The following ARVCF variants were observed in gnomAD, a reference collection of about 807,000 sequenced individuals.
The protein encoded by ARVCF is ARVCF delta catenin family member.
In ARVCF, 66 loss-of-function variants were observed where a neutral mutation model predicts 90.9. The ratio of observed to expected loss-of-function variants is 0.73; its 90% CI spans 0.60 to 0.89. The LOEUF (loss-of-function observed/expected upper bound fraction) is 0.89. ARVCF is among the 40% of genes least tolerant of loss of function. The pLI is 0.00. For missense variants in ARVCF, 1,469 were observed against 1,382.3 expected (o/e 1.06, Z -1.00); for synonymous variants, 653 against 603.4 (o/e 1.08, Z -1.21).
Position 19,971,200 on chromosome 22 carries a change from A to T in ARVCF, c.*12+16T>A. ...GGCAGGAACAGGTGGACGAACAACC[A>T]GATGAGAGAACGTACCAGGCATGCA... On this transcript the variant is annotated intron_variant, in intron 19 of 19. Transcript: ENST00000263207. 6.4e-7 allele frequency: 1 copy of T among 1,551,762 alleles called. No individual in the cohort carries two copies.
At chr22:19,981,004 C>T (rs1943460323) in intron 5 of ARVCF, 1 of 609,622 alleles carries the variant, frequency 1.6e-6, no homozygotes, top group Non-Finnish European at 2.7e-6. Flanking sequence ...CTTTCCTGGG[C>T]CCTGGGCCTG....
intron 1 of ARVCF, among the ~76,000 whole-genome samples, chr22:20,012,580 C>T (rs570861306): frequency 6.6e-6 from 1 of 152,372 alleles, no homozygotes; most frequent in South Asian, 2.1e-4. Flanking sequence ...CGCCTCAAAG[C>T]GGGGGAATGA....
chr22:19,981,083 A>C, intron 5 of ARVCF, 128 bp downstream of exon 5: 116 of 1,191,160 alleles, frequency 9.7e-5, no homozygotes, highest in Middle Eastern at 3.0e-4. Context: ...ACGAGAGCCA[A>C]GGCCAATTCA....
At position 19,972,429 on chromosome 22, in the gene ARVCF, GAGA is replaced by G. The variant is rs771720447; in HGVS notation, c.2642-21_2642-19del. ...CTCGCCCTCTGCAAGGCAGGAGGAG[GAGA>G]CGGGCTGCATGTGGCAGCCAGGGGG... On this transcript the variant is annotated intron_variant, in intron 16 of 19. Coordinates refer to ENST00000263207, the MANE Select transcript of ARVCF (RefSeq NM_001670.3). The G allele has an allele frequency of 1.9e-6, 3 of 1,612,738 alleles. No homozygotes were observed. The highest frequency in any genetic ancestry group is 1.1e-5 in the South Asian group (1 of 91,066).
chr22:20,011,727 G>A (rs1944839642), intron 1 of ARVCF, among the ~76,000 whole-genome samples: 1 of 152,242 alleles, frequency 6.6e-6, no homozygotes, highest in African/African-American at 2.4e-5. Context: ...CCCCGAGGAA[G>A]AGGAGATGCT....
At chr22:20,002,649 T>C (rs1944485877) in intron 2 of ARVCF, among the ~76,000 whole-genome samples, 2 of 152,110 alleles carry the variant, frequency 1.3e-5, no homozygotes, top group Non-Finnish European at 2.9e-5. Context: ...AAGAGAAGAA[T>C]TCAGGAGTAA....
chr22:20,014,262 T>C lies in ARVCF; in HGVS notation c.-73+2327A>G, dbSNP rs1944943129. 4.6e-5 allele frequency among the ~76,000 whole-genome samples: 7 copies of C among 152,160 alleles called. No homozygotes were observed. In the South Asian group the frequency reaches 1.4e-3, roughly 31 times the overall value. ...CAGGCTGGAGTGCAGTGGTGTGATC[T>C]TGGCTCACTGCAACCCTCACCTCCC... On this transcript the variant is annotated intron_variant, in intron 1 of 19. Coordinates refer to ENST00000263207, the MANE Select transcript of ARVCF (RefSeq NM_001670.3).
downstream of ARVCF, chr22:19,966,959 C>G: frequency 1.0e-6 from 1 of 985,442 alleles, no homozygotes. Context: ...CAGTCCTGCT[C>G]AGACGCTGAT....
intron 2 of ARVCF, among the ~76,000 whole-genome samples, chr22:20,000,321 C>A (rs1229560021): frequency 1.3e-5 from 2 of 152,256 alleles, no homozygotes; most frequent in African/African-American, 4.8e-5. Flanking sequence ...CCGCTCCCAA[C>A]CCCCTCCTCT....
At chr22:19,966,437 A>T (rs1019466922), downstream of ARVCF, among the ~76,000 whole-genome samples, 99 of 3,056 alleles carry the variant, frequency 0.032, no homozygotes, top group African/African-American at 0.15. Context: ...GTTCCCCCTT[A>T]AAAAAAAAAA....
chr22:19,972,052 C>G, intron 17 of ARVCF, 81 bp from the exon 18 acceptor site: 1 of 1,350,690 alleles, frequency 7.4e-7, no homozygotes, highest in Non-Finnish European at 1.0e-6. Flanking sequence ...AGCCCAGACA[C>G]AGGGGACTCG....
chr22:19,999,660 G>T (rs1944377121), intron 2 of ARVCF, among the ~76,000 whole-genome samples: 1 of 152,226 alleles, frequency 6.6e-6, no homozygotes, highest in Non-Finnish European at 1.5e-5. Flanking sequence ...GATGGTGTGG[G>T]TGGGAGAATT....
At chr22:19,975,367 G>A (rs920936905) in intron 11 of ARVCF, among the ~76,000 whole-genome samples, 5 of 152,210 alleles carry the variant, frequency 3.3e-5, no homozygotes, top group African/African-American at 1.2e-4. Flanking sequence ...TAACACAGGA[G>A]GCCCTGCCTC....
chr22:19,973,228 C>A lies in ARVCF; in HGVS notation c.2329G>T (p.Val777Leu). 6.2e-7 allele frequency: 1 copy of A among 1,610,714 alleles called. No individual in the cohort carries two copies. Among genetic ancestry groups the A allele is most frequent in the Non-Finnish European group, 8.5e-7 (1 of 1,179,194 alleles). ...PGACLEEDTV[V>L]AVLNTIHEIV... is the part of the protein sequence containing the mutation. The stretch of plus-strand genomic sequence containing the variant: ...TCGTGGATGGTGTTGAGCACCGCCA[C>A]CACGGTGTCTTCCTCCAGGCAGGCC... The change falls in exon 14 of 20, where the codon GTG (valine) becomes TTG (leucine). Residue 777 changes from valine (V) to leucine (L), a missense_variant. By Grantham distance (32) the Val-to-Leu change is conservative. Transcript: ENST00000263207.
chr22:19,981,057 C>G, intron 5 of ARVCF, 154 bp downstream of exon 5: 4 of 1,048,296 alleles, frequency 3.8e-6, no homozygotes, highest in Admixed American at 3.2e-5. Flanking sequence ...CAGGGTCCAC[C>G]TTTCTTCTGT....
intron 2 of ARVCF, among the ~76,000 whole-genome samples, chr22:19,992,133 A>G (rs117981947): frequency 1.1e-3 from 160 of 152,316 alleles, no homozygotes; most frequent in Non-Finnish European, 2.0e-3. Context: ...TCATAGGTGA[A>G]GAGACACTGT....
At chr22:19,988,198 G>C (rs1347670124) in intron 3 of ARVCF, among the ~76,000 whole-genome samples, 1 of 152,124 alleles carries the variant, frequency 6.6e-6, no homozygotes. Flanking sequence ...CGGCTAGCAT[G>C]CTCAAGATTC....
In ARVCF at chr22:19,977,973, C is replaced by T; in HGVS notation, c.1683G>A (p.Lys561=). ...LHALQSAVGR[K]DTDNKSVENC... Reference sequence around the variant, plus strand: ...CCCTGCCCACCTTGTTGTCAGTGTCCTTCCGGCCCACAGCCGACTGCAGGG... The same window carrying T: ...CCCTGCCCACCTTGTTGTCAGTGTCTTTCCGGCCCACAGCCGACTGCAGGG... The change falls in exon 8 of 20, where the codon AAG becomes AAA. Residue 561 remains lysine, a synonymous_variant. Coordinates refer to ENST00000263207, the MANE Select transcript of ARVCF (RefSeq NM_001670.3). 3 of 1,609,006 alleles carry T rather than the reference C, an allele frequency of 1.9e-6. No individual in the cohort carries two copies. Among genetic ancestry groups the T allele is most frequent in the Non-Finnish European group, 2.5e-6 (3 of 1,177,828 alleles).
downstream of ARVCF, chr22:19,968,556 G>A (rs1341905822): frequency 1.2e-6 from 2 of 1,614,068 alleles, no homozygotes; most frequent in Non-Finnish European, 1.7e-6. Flanking sequence ...TGCTGCGGAA[G>A]GGGACAGTGC....
Sources: gnomAD v4.1 joint callset for allele counts (sites outside exome capture counted in the v4.1 genomes callset) on GRCh38, gnomAD v4.1.1 for gene constraint, MANE v1.5 for transcripts, NCBI Gene and HGNC (gene_info 2026-07-23, HGNC 2026-07-21) for gene names.